The following SCFD2 variants were observed in gnomAD, a reference collection of about 807,000 sequenced individuals.
SCFD2 encodes the protein sec1 family domain containing 2, also known as sec1 family domain-containing protein 2.
A neutral mutation model predicts 58.9 loss-of-function variants in SCFD2; 54 were observed. That is an observed-to-expected ratio of 0.92 (90% CI 0.74 to 1.15). The LOEUF (loss-of-function observed/expected upper bound fraction) is 1.15. SCFD2 is among the 50% of genes most tolerant of loss of function. The pLI is 0.00. For synonymous variants in SCFD2, 321 were observed against 335.9 expected (o/e 0.96, Z 0.49); for missense variants, 805 against 836.6 (o/e 0.96, Z 0.47).
intron 5 of SCFD2, among the ~76,000 whole-genome samples, chr4:53,078,817 A>G (rs936333877): frequency 2.0e-5 from 3 of 152,174 alleles, no homozygotes; most frequent in Non-Finnish European, 4.4e-5. Flanking sequence ...AATCTATTAA[A>G]TGGTTATGTC....
Position 53,180,359 on chromosome 4 carries a change from G to A in SCFD2, c.1312-34777C>T, listed in dbSNP as rs187542887. ...AGGATTAAGAAACTCACTCAAAACCGCTCAGCTACATGGAAACTGAGCAAG... is the reference window on the plus strand; with the variant it reads ...AGGATTAAGAAACTCACTCAAAACCACTCAGCTACATGGAAACTGAGCAAG... On this transcript the variant is annotated intron_variant, in intron 4 of 8. Transcript: ENST00000401642. Among the ~76,000 whole-genome samples, 39 of 152,188 alleles carry A rather than the reference G, an allele frequency of 2.6e-4. No individual in the cohort carries two copies. The East Asian group carries it at 6.2e-3, about 24-fold the overall frequency.
intron 2 of SCFD2, among the ~76,000 whole-genome samples, chr4:53,320,591 T>C (rs982608934): frequency 1.3e-5 from 2 of 152,152 alleles, no homozygotes; most frequent in African/African-American, 4.8e-5. Flanking sequence ...CACTCCAGCC[T>C]GGGAGAGAAG....
intron 5 of SCFD2, among the ~76,000 whole-genome samples, chr4:53,133,367 A>G: frequency 6.6e-6 from 1 of 151,646 alleles, no homozygotes; most frequent in Non-Finnish European, 1.5e-5. Flanking sequence ...GTTTGGAAGT[A>G]CTTCATATGT....
At chr4:53,083,050 A>C (rs540120723) in intron 5 of SCFD2, among the ~76,000 whole-genome samples, 125 of 152,256 alleles carry the variant, frequency 8.2e-4, no homozygotes, top group African/African-American at 2.9e-3. Flanking sequence ...ACTAATATAG[A>C]TTTTGGTACT....
At chr4:53,357,648 T>A (rs981175844) in intron 1 of SCFD2, among the ~76,000 whole-genome samples, 1 of 152,180 alleles carries the variant, frequency 6.6e-6, no homozygotes, top group African/African-American at 2.4e-5. Flanking sequence ...GTCTCATACC[T>A]ATTTATTTTA....
chr4:52,928,110 G>T (rs1014482788), intron 5 of SCFD2, among the ~76,000 whole-genome samples: 1 of 152,060 alleles, frequency 6.6e-6, no homozygotes, highest in African/African-American at 2.4e-5. Context: ...CGAGGTGGGA[G>T]GATCACTTGA....
At chr4:53,179,553 A>G (rs1401367000) in intron 4 of SCFD2, among the ~76,000 whole-genome samples, 1 of 152,246 alleles carries the variant, frequency 6.6e-6, no homozygotes, top group East Asian at 1.9e-4. Flanking sequence ...AACATGCCAA[A>G]TTATAAAGAC....
chr4:53,331,339 C>A (rs374782576), intron 2 of SCFD2, among the ~76,000 whole-genome samples: 1 of 151,764 alleles, frequency 6.6e-6, no homozygotes, highest in East Asian at 1.9e-4. Flanking sequence ...TGACCACATA[C>A]TTGGAAGTAA....
intron 5 of SCFD2, among the ~76,000 whole-genome samples, chr4:52,986,175 C>T (rs1395306099): frequency 6.6e-6 from 1 of 151,862 alleles, no homozygotes; most frequent in Admixed American, 6.6e-5. Flanking sequence ...TACCTCCCCA[C>T]CTTTCTTCCC....
At chr4:53,149,914 T>C (rs1433254575) in intron 4 of SCFD2, among the ~76,000 whole-genome samples, 1 of 152,132 alleles carries the variant, frequency 6.6e-6, no homozygotes, top group Non-Finnish European at 1.5e-5. Context: ...ACACGCCAGT[T>C]GAAACTAAAA....
chr4:53,078,486 A>G (rs1417302157), intron 5 of SCFD2, among the ~76,000 whole-genome samples: 2 of 152,220 alleles, frequency 1.3e-5, no homozygotes, highest in African/African-American at 2.4e-5. Context: ...AAAGTGTGCA[A>G]TGTGTGCCTT....
intron 5 of SCFD2, among the ~76,000 whole-genome samples, chr4:53,002,068 T>G (rs889205197): frequency 2.0e-5 from 3 of 152,158 alleles, no homozygotes; most frequent in Non-Finnish European, 4.4e-5. Flanking sequence ...ATCTGACAGC[T>G]TGGTCATGGT....
chr4:53,108,863 TG>T (rs1350618847), intron 5 of SCFD2, among the ~76,000 whole-genome samples: 1 of 152,216 alleles, frequency 6.6e-6, no homozygotes. Context: ...CTAACTCACT[TG>T]ATGAGGCCAG....
At chr4:53,247,673 C>A (rs895311162) in intron 4 of SCFD2, among the ~76,000 whole-genome samples, 3 of 151,432 alleles carry the variant, frequency 2.0e-5, no homozygotes, top group Admixed American at 2.0e-4. Flanking sequence ...TCCTGGCTAA[C>A]AAGGTGAAAC....
intron 2 of SCFD2, among the ~76,000 whole-genome samples, chr4:53,332,011 T>C (rs1733491922): frequency 6.6e-6 from 1 of 152,272 alleles, no homozygotes; most frequent in Non-Finnish European, 1.5e-5. Context: ...AATGGATAAA[T>C]TCCTTGCCAC....
intron 7 of SCFD2, among the ~76,000 whole-genome samples, chr4:52,901,670 T>C (rs1719202614): frequency 6.6e-6 from 1 of 152,200 alleles, no homozygotes; most frequent in Non-Finnish European, 1.5e-5. Flanking sequence ...ATGATCAATA[T>C]TATTTTAAAT....
At chr4:52,996,304 G>A (rs1403257887) in intron 5 of SCFD2, among the ~76,000 whole-genome samples, 1 of 152,236 alleles carries the variant, frequency 6.6e-6, no homozygotes, top group Non-Finnish European at 1.5e-5. Flanking sequence ...CGACTGTAAT[G>A]TGCAGACGAT....
intron 5 of SCFD2, among the ~76,000 whole-genome samples, chr4:52,977,893 C>T (rs2109561608): frequency 6.6e-6 from 1 of 152,276 alleles, no homozygotes; most frequent in South Asian, 2.1e-4. Context: ...GAGAAAAGAG[C>T]CCATCCACGT....
intron 2 of SCFD2, among the ~76,000 whole-genome samples, chr4:53,347,538 T>A (rs1350102148): frequency 4.6e-5 from 7 of 150,844 alleles, no homozygotes; most frequent in African/African-American, 1.7e-4. Flanking sequence ...AAAAATGAAA[T>A]AGGGAAGGGG....
Sources: gnomAD v4.1 joint callset for allele counts (sites outside exome capture counted in the v4.1 genomes callset) on GRCh38, gnomAD v4.1.1 for gene constraint, MANE v1.5 for transcripts, NCBI Gene and HGNC (gene_info 2026-07-23, HGNC 2026-07-21) for gene names.